ENOX2: variants seen among roughly 807,000 people sequenced by gnomAD.
The protein encoded by ENOX2 is APK1 antigen.
In ENOX2, 36 loss-of-function variants were observed where a neutral mutation model predicts 45.0. That is an observed-to-expected ratio of 0.80 (90% CI 0.61 to 1.06). The LOEUF (loss-of-function observed/expected upper bound fraction) is 1.06. ENOX2 is among the 50% of genes least tolerant of loss of function. The pLI, the probability that ENOX2 is intolerant of heterozygous loss-of-function variation, is 0.00. For missense variants in ENOX2, 423 were observed against 462.5 expected (o/e 0.91, Z 0.78); for synonymous variants, 174 against 152.3 (o/e 1.14, Z -1.05).
At chrX:130,807,792 G>T in intron 2 of ENOX2, among the ~76,000 whole-genome samples, 1 of 111,827 alleles carries the variant, frequency 8.9e-6, no homozygotes, top group South Asian at 3.7e-4. Context: ...AGACTAAGAA[G>T]GGCTCTGGAG....
intron 2 of ENOX2, among the ~76,000 whole-genome samples, chrX:130,843,241 C>G (rs1422892266): frequency 9.0e-6 from 1 of 111,384 alleles, no homozygotes; most frequent in Non-Finnish European, 1.9e-5. Context: ...GGGAGTTATC[C>G]ATATTCTTCC....
At chrX:130,760,904 T>C (rs748219606) in intron 3 of ENOX2, among the ~76,000 whole-genome samples, 2 of 108,232 alleles carry the variant, frequency 1.8e-5, no homozygotes, top group Admixed American at 2.0e-4. Context: ...TTCAAATTCT[T>C]TTTCTGCATT....
intron 2 of ENOX2, among the ~76,000 whole-genome samples, chrX:130,839,207 A>C (rs189791268): frequency 8.9e-6 from 1 of 112,373 alleles, no homozygotes; most frequent in Admixed American, 9.4e-5. Context: ...TTCTGGAGGC[A>C]GTAAAGAATA....
chrX:130,644,808 T>C (rs2036185425), intron 10 of ENOX2, among the ~76,000 whole-genome samples: 1 of 111,577 alleles, frequency 9.0e-6, no homozygotes, highest in Non-Finnish European at 1.9e-5. Context: ...TGTATGATAT[T>C]ACAGTGATGG....
At chrX:130,627,418 A>G (rs895273568) in intron 14 of ENOX2, among the ~76,000 whole-genome samples, 8 of 110,782 alleles carry the variant, frequency 7.2e-5, no homozygotes, top group African/African-American at 2.6e-4. Context: ...CTGTTTCTAT[A>G]AAAAATACAA....
Position 130,623,307 on chromosome X carries a change from G to T in ENOX2, c.*2007C>A, listed in dbSNP as rs1376154999. 11 of 111,316 alleles carry T rather than the reference G, an allele frequency of 9.9e-5. No individual in the cohort carries two copies. The highest frequency in any genetic ancestry group is 1.5e-4 in the Non-Finnish European group (8 of 53,065). 9.2% of individuals were successfully genotyped at this position (111,316 alleles called of 1,213,427 possible). ...GAAGGAGAGTAAGGTATTTAGGTGT[G>T]GCAGCTGTTGCTTTAAAAATTTTTT... On this transcript the variant is annotated 3_prime_UTR_variant, in exon 15 of 15. Transcript: ENST00000394363.
intron 3 of ENOX2, among the ~76,000 whole-genome samples, chrX:130,779,409 A>G: frequency 8.9e-6 from 1 of 112,296 alleles, no homozygotes; most frequent in African/African-American, 3.2e-5. Flanking sequence ...TTCATAGTTG[A>G]GGCAGGACAT....
At chrX:130,811,947 G>A (rs763164325) in intron 2 of ENOX2, among the ~76,000 whole-genome samples, 9 of 112,019 alleles carry the variant, frequency 8.0e-5, no homozygotes, top group Admixed American at 2.8e-4. Context: ...AATACAGAGA[G>A]TCAACAGCAG....
At chrX:130,829,987 T>A (rs772399625) in intron 2 of ENOX2, among the ~76,000 whole-genome samples, 71 of 112,073 alleles carry the variant, frequency 6.3e-4, no homozygotes, top group African/African-American at 2.2e-3. Flanking sequence ...CTTATGTTCC[T>A]AATGAGAAAA....
Position 130,740,176 on chromosome X carries a change from G to A in ENOX2, c.-38-36922C>T, listed in dbSNP as rs192847280. Among the ~76,000 whole-genome samples, 9 of 111,914 alleles carry A rather than the reference G, an allele frequency of 8.0e-5. No individual in the cohort carries two copies. In the East Asian group the frequency reaches 2.5e-3, roughly 31 times the overall value. On this transcript the variant is annotated intron_variant, in intron 3 of 14. Coordinates refer to ENST00000394363, the MANE Select transcript of ENOX2 (RefSeq NM_006375.4). ...CCAGCTTTGGGAGGCCGAGGTGGGT[G>A]GATCGCCTGAGGCCAGGAGTTTGAA...
chrX:130,776,922 A>G (rs999431147), intron 3 of ENOX2, among the ~76,000 whole-genome samples: 2 of 111,875 alleles, frequency 1.8e-5, no homozygotes, highest in African/African-American at 6.5e-5. Flanking sequence ...TCTTGAGAAC[A>G]AAGTGCCTTC....
At position 130,624,488 on chromosome X, in the gene ENOX2, C is replaced by G. The variant is rs11553583; in HGVS notation, c.*826G>C. On this transcript the variant is annotated 3_prime_UTR_variant, in exon 15 of 15. Transcript: ENST00000394363. ...TATAAATCCCTTCTGCCACTGTGTG[C>G]GTGCGTGTGTGTGTTTGTGCGTGTG... 1 of 112,399 alleles carries G rather than the reference C, an allele frequency of 8.9e-6. No individual in the cohort carries two copies. The highest frequency in any genetic ancestry group is 1.9e-5 in the Non-Finnish European group (1 of 53,217). 9.3% of individuals were successfully genotyped at this position (112,399 alleles called of 1,213,427 possible). A position where few individuals can be genotyped will look rare whatever the true frequency, so the allele number is the denominator to read the frequency against.
At chrX:130,729,533 C>T (rs1184317026) in intron 3 of ENOX2, among the ~76,000 whole-genome samples, 1 of 111,634 alleles carries the variant, frequency 9.0e-6, no homozygotes, top group Non-Finnish European at 1.9e-5. Flanking sequence ...CTGCCTCCAA[C>T]CAGCTCAAAG....
At chrX:130,726,436 C>T (rs867696273) in intron 3 of ENOX2, among the ~76,000 whole-genome samples, 5 of 112,322 alleles carry the variant, frequency 4.5e-5, no homozygotes, top group Non-Finnish European at 9.4e-5. Flanking sequence ...TCAATTTTCA[C>T]GCATACTGCT....
At chrX:130,712,576 A>G (rs761856406) in intron 3 of ENOX2, among the ~76,000 whole-genome samples, 2 of 111,108 alleles carry the variant, frequency 1.8e-5, no homozygotes, top group Non-Finnish European at 3.8e-5. Context: ...CAACTCTAGT[A>G]AACACACTGA....
intron 3 of ENOX2, among the ~76,000 whole-genome samples, chrX:130,767,390 T>C (rs1300499825): frequency 1.8e-5 from 2 of 111,708 alleles, no homozygotes; most frequent in East Asian, 5.6e-4. Flanking sequence ...TATGAATGAA[T>C]AAACATGATA....
At chrX:130,707,689 C>T (rs1401075333) in intron 3 of ENOX2, among the ~76,000 whole-genome samples, 2 of 112,096 alleles carry the variant, frequency 1.8e-5, no homozygotes, top group Non-Finnish European at 3.8e-5. Context: ...TGGATATCCA[C>T]TGGTTTTTAT....
rs1399468904 is a variant in ENOX2, at chrX:130,783,625, C to T, written c.-117G>A. On this transcript the variant is annotated 5_prime_UTR_variant, in exon 3 of 15. Coordinates refer to ENST00000394363, the MANE Select transcript of ENOX2 (RefSeq NM_006375.4). ...ATGAGGCCTTCTGTGACCAGAGGGC[C>T]ACTGGCACTACCAAACTGCAGGGGC... 1 of 327,640 alleles carries T rather than the reference C, an allele frequency of 3.1e-6. No individual in the cohort carries two copies. The highest frequency in any genetic ancestry group is 2.7e-5 in the African/African-American group (1 of 37,446). 27.0% of individuals were successfully genotyped at this position (327,640 alleles called of 1,213,427 possible).
chrX:130,701,968 T>C lies in ENOX2; in HGVS notation c.97+1152A>G. Among the ~76,000 whole-genome samples, 3 of 112,020 alleles carry C rather than the reference T, an allele frequency of 2.7e-5. 1 individual carries two copies. In the Middle Eastern group the frequency reaches 0.014, roughly 519 times the overall value. ...TATATAGAATTTAGACTCCTTTTTT[T>C]TCTCCACCCATTTCTTATTCACATA... is the stretch of plus-strand genomic sequence containing the variant. On this transcript the variant is annotated intron_variant, in intron 4 of 14. Coordinates refer to ENST00000394363, the MANE Select transcript of ENOX2 (RefSeq NM_006375.4).
Sources: allele counts gnomAD v4.1 joint callset (sites outside exome capture counted in the v4.1 genomes callset), GRCh38; gene constraint gnomAD v4.1.1; transcripts MANE v1.5; gene names NCBI Gene and HGNC (gene_info 2026-07-23, HGNC 2026-07-21).